Variants in OSBPL10 observed in about 807,000 individuals in gnomAD.
OSBPL10 encodes oxysterol binding protein like 10.
A neutral mutation model predicts 81.7 loss-of-function variants in OSBPL10; 49 were observed. The observed-to-expected ratio is 0.60, with a 90% CI of 0.48 to 0.76. The LOEUF (loss-of-function observed/expected upper bound fraction) is 0.76. OSBPL10 is among the 30% of genes least tolerant of loss of function. The pLI is 0.00. For missense variants in OSBPL10, 923 were observed against 987.8 expected, an observed-to-expected ratio of 0.93 and a Z score of 0.88; for synonymous variants, 419 against 383.6, an observed-to-expected ratio of 1.09 and a Z score of -1.08.
intron 1 of OSBPL10, among the ~76,000 whole-genome samples, chr3:31,963,797 T>C (rs1698236705): frequency 1.3e-5 from 2 of 152,120 alleles, no homozygotes; most frequent in African/African-American, 4.8e-5. Context: ...TGCTTTCTTG[T>C]AACAAAATTC....
intron 1 of OSBPL10, among the ~76,000 whole-genome samples, chr3:31,948,065 A>C (rs1697752158): frequency 6.6e-6 from 1 of 152,200 alleles, no homozygotes; most frequent in Non-Finnish European, 1.5e-5. Context: ...AGTCACCTCC[A>C]GGCTAGAGGG....
At chr3:31,699,304 C>G (rs1376062381) in intron 7 of OSBPL10, among the ~76,000 whole-genome samples, 3 of 152,198 alleles carry the variant, frequency 2.0e-5, no homozygotes. Context: ...TCTGCAGGAC[C>G]TGATCCTAAC....
intron 3 of OSBPL10, among the ~76,000 whole-genome samples, chr3:31,831,134 C>T (rs1325730409): frequency 5.9e-5 from 9 of 152,160 alleles, no homozygotes; most frequent in East Asian, 5.8e-4. Flanking sequence ...TAGCCGGGTG[C>T]GGTGGCTCAC....
intron 3 of OSBPL10, among the ~76,000 whole-genome samples, chr3:31,847,927 G>C (rs376319689): frequency 4.6e-5 from 7 of 152,224 alleles, no homozygotes; most frequent in South Asian, 2.1e-4. Context: ...GTGGGACGAG[G>C]AGCCAGGGGG....
chr3:31,808,984 A>G (rs991920239), intron 4 of OSBPL10, among the ~76,000 whole-genome samples: 3 of 152,226 alleles, frequency 2.0e-5, no homozygotes, highest in African/African-American at 7.2e-5. Flanking sequence ...TAATATATAA[A>G]CACATACATC....
chr3:31,980,617 CCA>C lies in OSBPL10; in HGVS notation c.281+280_281+281del, dbSNP rs749294774. Among the ~76,000 whole-genome samples, 4 of 152,210 alleles carry C rather than the reference CCA, an allele frequency of 2.6e-5. No individual in the cohort carries two copies. In the East Asian group the frequency reaches 5.8e-4, roughly 22 times the overall value. The stretch of plus-strand genomic sequence containing the variant: ...CCAGCACGATCCTCCTGCCACCACT[CCA>C]GTCTCTGCAGGTGCCAGCATAGAAG... On this transcript the variant is annotated intron_variant, in intron 1 of 11. Transcript: ENST00000396556.
chr3:31,970,348 C>T (rs1698524708), intron 1 of OSBPL10, among the ~76,000 whole-genome samples: 1 of 152,166 alleles, frequency 6.6e-6, no homozygotes, highest in African/African-American at 2.4e-5. Context: ...ATCCCAGTCA[C>T]CTCGAGGTTC....
chr3:31,810,231 T>C (rs1699644028), intron 4 of OSBPL10, among the ~76,000 whole-genome samples: 1 of 152,180 alleles, frequency 6.6e-6, no homozygotes, highest in Admixed American at 6.5e-5. Context: ...AAAGCCATAA[T>C]GATTGAAGTA....
In OSBPL10 at chr3:31,980,884, C is replaced by T; in HGVS notation, c.281+15G>A. 6.4e-7 allele frequency: 1 copy of T among 1,551,580 alleles called. No individual in the cohort carries two copies. Among genetic ancestry groups the T allele is most frequent in the Non-Finnish European group, 8.7e-7 (1 of 1,152,644 alleles). ...ACACAGCGGCGCGCGGTGGCGCGGG[C>T]GGCTGGCGCGTTACCTGTTCTGCCA... On this transcript the variant is annotated intron_variant, in intron 1 of 11. Transcript: ENST00000396556.
chr3:32,072,940 C>T (rs1358109759), intron 1 of OSBPL10, among the ~76,000 whole-genome samples: 1 of 152,102 alleles, frequency 6.6e-6, no homozygotes, highest in Non-Finnish European at 1.5e-5. Context: ...AGTCAAATCA[C>T]CCAAGCAGTT....
At chr3:31,804,999 T>C (rs1699487530) in intron 4 of OSBPL10, among the ~76,000 whole-genome samples, 2 of 152,220 alleles carry the variant, frequency 1.3e-5, no homozygotes, top group Admixed American at 6.5e-5. Context: ...GCTTTCCCTA[T>C]GGTTTTCAAA....
At chr3:31,836,241 T>G (rs1408565981) in intron 3 of OSBPL10, among the ~76,000 whole-genome samples, 1 of 152,186 alleles carries the variant, frequency 6.6e-6, no homozygotes, top group Non-Finnish European at 1.5e-5. Flanking sequence ...CTTTAATATA[T>G]CTTAAACATT....
chr3:31,674,620 TAG>T (rs942681846), intron 8 of OSBPL10, among the ~76,000 whole-genome samples: 19 of 123,062 alleles, frequency 1.5e-4, no homozygotes, highest in Admixed American at 6.3e-4. Flanking sequence ...GATAGATAGA[TAG>T]ATAGATGGAA....
rs1700062171 is a variant in OSBPL10 at position 31,660,972 on chromosome 3, A to C, written c.*1100T>G. 6.6e-6 allele frequency: 1 copy of C among 152,580 alleles called. No homozygotes were observed. The highest frequency in any genetic ancestry group is 2.4e-5 in the African/African-American group (1 of 41,472). The allele number at this position is 152,580 out of a possible 1,614,324, so 9.5% of individuals were successfully genotyped here. A position where few individuals can be genotyped will look rare whatever the true frequency, so the allele number is the denominator to read the frequency against. On this transcript the variant is annotated 3_prime_UTR_variant, in exon 12 of 12. Coordinates refer to ENST00000396556, the MANE Select transcript of OSBPL10 (RefSeq NM_017784.5). ...ATAAATATTGGAGTGGCACAGTAAAAAATAAATTAAGCATTCAGCAAAAAC... is the reference window on the plus strand; with the variant it reads ...ATAAATATTGGAGTGGCACAGTAAACAATAAATTAAGCATTCAGCAAAAAC...
rs772010647 is a variant in OSBPL10, at chr3:31,830,230, C to T, written c.539G>A (p.Ser180Asn). 1 of 1,611,296 alleles carries T rather than the reference C, an allele frequency of 6.2e-7. No individual in the cohort carries two copies. The highest frequency in any genetic ancestry group is 2.2e-5 in the East Asian group (1 of 44,850). ...ACTTCGGCTTCGGGAGCTTGGAGCACTCTAGAATAAGCAACAGGTGTCAAA... is the reference window on the plus strand; with the variant it reads ...ACTTCGGCTTCGGGAGCTTGGAGCATTCTAGAATAAGCAACAGGTGTCAAA... The part of the protein sequence containing the change: ...AKYHMEMNSK[S>N]APSSRSRSLT... The change falls in exon 4 of 12, where the codon AGT becomes AAT. Residue 180 changes from serine (S) to asparagine (N), a missense_variant and splice_region_variant. Coordinates refer to ENST00000396556, the MANE Select transcript of OSBPL10 (RefSeq NM_017784.5).
At chr3:31,798,259 G>A (rs1038078235) in intron 4 of OSBPL10, among the ~76,000 whole-genome samples, 2 of 151,908 alleles carry the variant, frequency 1.3e-5, no homozygotes, top group East Asian at 1.9e-4. Context: ...ATGAAACCCC[G>A]TCTCTAGTAA....
In OSBPL10 at chr3:31,846,350, G is replaced by A. The variant is rs148575631; in HGVS notation, c.538-16119C>T. On this transcript the variant is annotated intron_variant, in intron 3 of 11. Coordinates refer to ENST00000396556, the MANE Select transcript of OSBPL10 (RefSeq NM_017784.5). Reference sequence around the variant, plus strand: ...TTAAAAAATCCTACTGGGGCCGGGCGAGGTGACTCATGCCTGTAATCCCAG... The same window carrying A: ...TTAAAAAATCCTACTGGGGCCGGGCAAGGTGACTCATGCCTGTAATCCCAG... Among the ~76,000 whole-genome samples, 205 of 152,220 alleles carry A rather than the reference G, an allele frequency of 1.3e-3. 2 individuals carry two copies. The Middle Eastern group carries it at 0.014, about 10-fold the overall frequency.
At chr3:31,681,146 A>G (rs1700630254) in intron 8 of OSBPL10, among the ~76,000 whole-genome samples, 1 of 152,202 alleles carries the variant, frequency 6.6e-6, no homozygotes, top group Non-Finnish European at 1.5e-5. Flanking sequence ...TACACAAATT[A>G]ATGAATGTCT....
intron 9 of OSBPL10, among the ~76,000 whole-genome samples, chr3:31,670,377 G>A (rs750733673): frequency 6.6e-6 from 1 of 152,212 alleles, no homozygotes; most frequent in Non-Finnish European, 1.5e-5. Context: ...TTTTTCAAAA[G>A]AAGGAAATGA....
Sources: gnomAD v4.1 joint callset for allele counts (sites outside exome capture counted in the v4.1 genomes callset) on GRCh38, gnomAD v4.1.1 for gene constraint, MANE v1.5 for transcripts, NCBI Gene and HGNC (gene_info 2026-07-23, HGNC 2026-07-21) for gene names.